The following CUX1 variants were observed in gnomAD, a reference collection of about 807,000 sequenced individuals.
CUX1 encodes the protein cut like homeobox 1.
A neutral mutation model predicts 158.8 loss-of-function variants in CUX1; 31 were observed. The observed-to-expected ratio is 0.20, with a 90% CI of 0.15 to 0.26. The LOEUF is 0.26. CUX1 is among the 10% of genes least tolerant of loss of function. The pLI, the probability that CUX1 is intolerant of heterozygous loss-of-function variation, is 1.00. For missense variants in CUX1, 1,589 were observed against 2,014.6 expected (o/e 0.79, Z 4.04); for synonymous variants, 879 against 862.1 (o/e 1.02, Z -0.34).
At chr7:102,020,744 G>A (rs182194480) in intron 2 of CUX1, among the ~76,000 whole-genome samples, 1 of 152,128 alleles carries the variant, frequency 6.6e-6, no homozygotes, top group African/African-American at 2.4e-5. Context: ...GCTGGGCATG[G>A]TGGCGGGCGC....
chr7:101,896,065 A>G (rs1801482753), intron 1 of CUX1, among the ~76,000 whole-genome samples: 1 of 151,350 alleles, frequency 6.6e-6, no homozygotes, highest in African/African-American at 2.4e-5. Context: ...TTATTTATTT[A>G]TTTATTATTT....
At chr7:102,155,048 T>C (rs1473701039) in intron 8 of CUX1, among the ~76,000 whole-genome samples, 1 of 152,192 alleles carries the variant, frequency 6.6e-6, no homozygotes, top group Non-Finnish European at 1.5e-5. Context: ...ATCTTTTAAA[T>C]CTATGACATA....
At chr7:101,856,182 CAA>C (rs768518044) in intron 1 of CUX1, among the ~76,000 whole-genome samples, 39 of 48,038 alleles carry the variant, frequency 8.1e-4, no homozygotes, top group African/African-American at 1.3e-3. Context: ...GACCCTGTCT[CAA>C]AAAAAAAAAA....
chr7:102,051,865 C>G (rs901482146), intron 3 of CUX1, among the ~76,000 whole-genome samples: 2 of 151,990 alleles, frequency 1.3e-5, no homozygotes, highest in African/African-American at 4.8e-5. Context: ...GTGTATTCAC[C>G]AAGTCATGCA....
At chr7:102,054,620 G>A (rs532362335) in intron 3 of CUX1, among the ~76,000 whole-genome samples, 3 of 152,178 alleles carry the variant, frequency 2.0e-5, no homozygotes, top group Admixed American at 2.0e-4. Context: ...TTGGTTATTT[G>A]GGGTCATTGC....
At chr7:101,872,972 A>G (rs185383646) in intron 1 of CUX1, among the ~76,000 whole-genome samples, 42 of 152,090 alleles carry the variant, frequency 2.8e-4, no homozygotes, top group Admixed American at 2.7e-3. Flanking sequence ...TCCCAGGTTC[A>G]AGTGATTCTC....
At chr7:101,880,507 C>G (rs1467843582) in intron 1 of CUX1, among the ~76,000 whole-genome samples, 3 of 152,080 alleles carry the variant, frequency 2.0e-5, no homozygotes, top group Admixed American at 2.0e-4. Context: ...GAACTGGGAT[C>G]ATAAACATTT....
At chr7:102,053,679 C>A (rs564862971) in intron 3 of CUX1, among the ~76,000 whole-genome samples, 1 of 151,958 alleles carries the variant, frequency 6.6e-6, no homozygotes, top group African/African-American at 2.4e-5. Context: ...ACAAATATGT[C>A]AGAATATGAG....
intron 2 of CUX1, among the ~76,000 whole-genome samples, chr7:101,981,348 G>C (rs1478756453): frequency 6.6e-6 from 1 of 152,124 alleles, no homozygotes; most frequent in African/African-American, 2.4e-5. Flanking sequence ...CTTCTTTTTT[G>C]TGAATGAAAG....
At chr7:102,228,348 ACC>A (rs1347403203) in intron 21 of CUX1, among the ~76,000 whole-genome samples, 1 of 151,542 alleles carries the variant, frequency 6.6e-6, no homozygotes, top group African/African-American at 2.4e-5. Context: ...ACATAGCAAG[ACC>A]CCATCTCTAC....
intron 2 of CUX1, among the ~76,000 whole-genome samples, chr7:101,984,142 A>C (rs1813950349): frequency 1.4e-5 from 1 of 70,786 alleles, no homozygotes; most frequent in African/African-American, 4.5e-5. Context: ...ACACACACAT[A>C]TATATATGTG....
chr7:102,255,526 C>A lies in CUX1; in HGVS notation c.*6484C>A, dbSNP rs536469712. Reference sequence around the variant, plus strand: ...TTTTCATGAATCCTTTTAGTTTACCCGATAATGTTAAGAAAGCATTAGTCT... The same window carrying A: ...TTTTCATGAATCCTTTTAGTTTACCAGATAATGTTAAGAAAGCATTAGTCT... On this transcript the variant is annotated 3_prime_UTR_variant, in exon 24 of 24. Transcript: ENST00000292535. 2.0e-6 allele frequency: 2 copies of A among 985,184 alleles called. No homozygotes were observed. Among genetic ancestry groups the A allele is most frequent in the Admixed American group, 1.2e-4 (2 of 16,250 alleles). The allele number at this position is 985,184 out of a possible 1,614,324, so 61.0% of individuals were successfully genotyped here.
intron 1 of CUX1, among the ~76,000 whole-genome samples, chr7:101,862,423 G>T (rs1433933022): frequency 6.6e-6 from 1 of 152,048 alleles, no homozygotes. Context: ...GGCCACCAGT[G>T]GCCTCCTCCG....
Position 102,282,969 on chromosome 7 carries a change from C to G in CUX1, c.1968-52C>G, listed in dbSNP as rs568325957. On this transcript the variant is annotated intron_variant, in intron 22 of 22. Coordinates refer to the CUX1 transcript ENST00000292538. The stretch of plus-strand genomic sequence containing the variant: ...CCACCCCATCACATGGTACACACCC[C>G]CCTTCCCCAACACACACACTCGGCC... The G allele has an allele frequency of 3.0e-5, 42 of 1,407,742 alleles. 1 individual carries two copies. The South Asian group carries it at 4.9e-4, about 16-fold the overall frequency. The allele number at this position is 1,407,742 out of a possible 1,614,324, so 87.2% of individuals were successfully genotyped here. A position where few individuals can be genotyped will look rare whatever the true frequency, so the allele number is the denominator to read the frequency against.
At chr7:101,817,276 C>T (rs1421055462), upstream of CUX1, 2 of 984,904 alleles carry the variant, frequency 2.0e-6, no homozygotes, top group East Asian at 2.3e-4. The surrounding 1 kb of genome is among the most constrained non-coding windows in gnomAD (Gnocchi z 4.1). Flanking sequence ...CCCCCGGTGA[C>T]CTGCGGCGCC....
intron 2 of CUX1, among the ~76,000 whole-genome samples, chr7:101,931,925 T>C (rs1007585884): frequency 6.6e-6 from 1 of 152,216 alleles, no homozygotes; most frequent in Non-Finnish European, 1.5e-5. Context: ...TTGGAGAGGC[T>C]TTAGAAGGCA....
chr7:101,906,601 G>A (rs529825879), intron 1 of CUX1, among the ~76,000 whole-genome samples: 5 of 152,032 alleles, frequency 3.3e-5, no homozygotes, highest in Admixed American at 1.3e-4. Context: ...TTGGCAGGGC[G>A]CGCCCCGTGT....
intron 1 of CUX1, among the ~76,000 whole-genome samples, chr7:101,875,711 C>T (rs1799050568): frequency 1.3e-5 from 2 of 152,184 alleles, no homozygotes; most frequent in African/African-American, 2.4e-5. Context: ...GTAGGTGCGC[C>T]GCTCTCTGCC....
intron 20 of CUX1, among the ~76,000 whole-genome samples, chr7:102,208,282 C>T (rs1554522256): frequency 6.6e-6 from 1 of 152,116 alleles, no homozygotes; most frequent in African/African-American, 2.4e-5. Flanking sequence ...CTCACTCTGT[C>T]GCCTAGGCTG....
Sources: gnomAD v4.1 joint callset for allele counts (sites outside exome capture counted in the v4.1 genomes callset) on GRCh38, gnomAD v4.1.1 for gene constraint, Gnocchi (gnomAD v3.1) non-coding constraint, MANE v1.5 for transcripts, NCBI Gene and HGNC (gene_info 2026-07-23, HGNC 2026-07-21) for gene names.